TENM3: variants seen among roughly 807,000 people sequenced by gnomAD.
TENM3 encodes the protein teneurin-3.
Under a neutral mutation model 255.1 loss-of-function variants are expected in TENM3, and 63 were observed. The observed-to-expected ratio is 0.25, with a 90% confidence interval of 0.20 to 0.30. The LOEUF is 0.30. Ranked by LOEUF, TENM3 falls within the 10% of genes least tolerant of loss-of-function variation. The probability of loss-of-function intolerance (pLI) is 1.00; values close to 1 mark genes in which losing one functional copy is unlikely to be tolerated. For synonymous variants in TENM3, 1,306 were observed against 1,322.3 expected (o/e 0.99, Z 0.27); for missense variants, 2,929 against 3,461.1 (o/e 0.85, Z 3.86).
At chr4:182,763,445 G>A (rs866770556) in intron 22 of TENM3, among the ~76,000 whole-genome samples, 3 of 152,102 alleles carry the variant, frequency 2.0e-5, no homozygotes, top group African/African-American at 7.2e-5. Flanking sequence ...GGCATCTGTA[G>A]TCCCAGCTAC....
At chr4:182,400,897 T>C (rs116503457) in intron 3 of TENM3, among the ~76,000 whole-genome samples, 2,910 of 152,312 alleles carry the variant, frequency 0.019, 79 homozygotes, top group East Asian at 0.1. Flanking sequence ...ATTCATGTTA[T>C]ACTATGGGGG....
At chr4:181,854,823 A>C in the TENM3 span, among the ~76,000 whole-genome samples, 17 of 152,222 alleles carry the variant, frequency 1.1e-4, 1 homozygote, top group Admixed American at 1.1e-3. Context: ...CTAGTGATGA[A>C]CTTATGTGAA....
chr4:182,378,989 G>A (rs188644769), intron 3 of TENM3, among the ~76,000 whole-genome samples: 229 of 152,240 alleles, frequency 1.5e-3, no homozygotes, highest in Non-Finnish European at 2.6e-3. Flanking sequence ...TGGCCAGTAT[G>A]CACAGGCATT....
chr4:182,198,178 T>C (rs1431308847), intron 1 of TENM3, among the ~76,000 whole-genome samples: 1 of 152,172 alleles, frequency 6.6e-6, no homozygotes, highest in African/African-American at 2.4e-5. Flanking sequence ...AATAGGCTTC[T>C]GACCCTGGGC....
the TENM3 span, among the ~76,000 whole-genome samples, chr4:181,759,035 C>G: frequency 6.6e-6 from 1 of 152,104 alleles, no homozygotes; most frequent in Non-Finnish European, 1.5e-5. Flanking sequence ...CTACCAGTAG[C>G]TCTTAACTAT....
Position 182,774,974 on chromosome 4 carries a change from G to A in TENM3, c.5125G>A (p.Ala1709Thr), listed in dbSNP as rs750567137. Residue 1709 changes from alanine to threonine, a missense_variant, in exon 24 of 28, where the codon GCC becomes ACC. Ala to Thr is a moderately conservative substitution (Grantham distance 58). This residue lies in a region of TENM3 where 303 missense variants were observed against 425.2 expected (regional missense o/e 0.71). Transcript: ENST00000511685. ...GYDGSLRIIY[A>T]SGLDSHYQTE... ...TGACGGCTCCCTCAGAATTATCTAC[G>A]CCAGTGGCCTGGACTCACACTACCA... 12 of 1,613,860 alleles carry A rather than the reference G, an allele frequency of 7.4e-6. No homozygotes were observed. The highest frequency in any genetic ancestry group is 1.1e-5 in the South Asian group (1 of 91,048).
chr4:181,839,574 A>G, the TENM3 span, among the ~76,000 whole-genome samples: 11 of 149,968 alleles, frequency 7.3e-5, no homozygotes, highest in African/African-American at 2.4e-4. Context: ...GAGGGTGTGC[A>G]GGTAGTAAAC....
At chr4:182,097,903 C>A in the TENM3 span, among the ~76,000 whole-genome samples, 1 of 152,074 alleles carries the variant, frequency 6.6e-6, no homozygotes, top group South Asian at 2.1e-4. Context: ...TTAGTTTATG[C>A]AGCTAATAAG....
intron 12 of TENM3, among the ~76,000 whole-genome samples, chr4:182,696,515 A>G (rs6838219): frequency 0.32 from 49,183 of 151,998 alleles, 8,470 homozygotes; most frequent in Non-Finnish European, 0.39. Context: ...TCACGAGGTC[A>G]GGAGATCGGG....
intron 1 of TENM3, among the ~76,000 whole-genome samples, chr4:182,227,440 G>A (rs1202370671): frequency 2.1e-5 from 3 of 145,542 alleles, no homozygotes; most frequent in African/African-American, 4.9e-5. Flanking sequence ...GTCCACTGTC[G>A]GTGGAATGGC....
the TENM3 span, among the ~76,000 whole-genome samples, chr4:181,485,312 G>T: frequency 1.3e-5 from 2 of 151,994 alleles, no homozygotes; most frequent in Non-Finnish European, 2.9e-5. Context: ...AACCTGTCAG[G>T]TCCATAACTC....
At chr4:182,301,188 T>C (rs1761831461) in intron 1 of TENM3, among the ~76,000 whole-genome samples, 1 of 152,194 alleles carries the variant, frequency 6.6e-6, no homozygotes, top group South Asian at 2.1e-4. Flanking sequence ...TGGCAGGACT[T>C]TTGCAGTCAG....
At chr4:181,642,205 C>T in the TENM3 span, among the ~76,000 whole-genome samples, 3 of 152,028 alleles carry the variant, frequency 2.0e-5, no homozygotes, top group Middle Eastern at 3.4e-3. Context: ...TTTTGATTTT[C>T]ATTTCTCTAA....
intron 3 of TENM3, among the ~76,000 whole-genome samples, chr4:182,557,773 T>A (rs1194098339): frequency 6.6e-6 from 1 of 152,172 alleles, no homozygotes; most frequent in Non-Finnish European, 1.5e-5. Flanking sequence ...CCAGCTGAGA[T>A]TCAGAATCAC....
the TENM3 span, among the ~76,000 whole-genome samples, chr4:181,605,568 AAGAGAGAG>A: frequency 9.5e-5 from 4 of 42,164 alleles, 1 homozygote; most frequent in Non-Finnish European, 1.4e-4. Context: ...GAAAGAAAGA[AAGAGAGAG>A]AAAGAAAGGA....
the TENM3 span, among the ~76,000 whole-genome samples, chr4:181,757,419 G>A: frequency 6.6e-6 from 1 of 152,264 alleles, no homozygotes; most frequent in Admixed American, 6.5e-5. Flanking sequence ...ATGTTTTGGA[G>A]AGTCCAAAAG....
chr4:181,966,621 G>A, the TENM3 span, among the ~76,000 whole-genome samples: 3 of 152,160 alleles, frequency 2.0e-5, no homozygotes, highest in African/African-American at 7.2e-5. Context: ...CAGATGTAAG[G>A]TTCTGGCAAA....
chr4:182,659,423 G>A (rs1258442003), intron 6 of TENM3, among the ~76,000 whole-genome samples: 3 of 152,072 alleles, frequency 2.0e-5, no homozygotes, highest in South Asian at 2.1e-4. Context: ...AGCTATCATA[G>A]GCATGGATGT....
At chr4:182,722,487 C>G (rs187260099) in intron 13 of TENM3, among the ~76,000 whole-genome samples, 3 of 152,024 alleles carry the variant, frequency 2.0e-5, no homozygotes, top group Admixed American at 2.0e-4. Flanking sequence ...GATGAGCCCT[C>G]AAGGAGCTTA....
Sources: gnomAD v4.1 joint callset for allele counts (sites outside exome capture counted in the v4.1 genomes callset) on GRCh38, gnomAD v4.1.1 for gene constraint, gnomAD v4.1.1 regional missense constraint, MANE v1.5 for transcripts, NCBI Gene and HGNC (gene_info 2026-07-23, HGNC 2026-07-21) for gene names.